TLL1: variants seen among roughly 807,000 people sequenced by gnomAD.
The protein encoded by TLL1 is tolloid like 1.
TLL1 carries 49 observed loss-of-function variants against 128.2 expected under a neutral mutation model. The ratio of observed to expected loss-of-function variants is 0.38; its 90% confidence interval spans 0.30 to 0.48. TLL1 has a LOEUF of 0.48. Among genes scored for constraint, TLL1 ranks in the 20% least tolerant of loss-of-function variants. The probability of loss-of-function intolerance (pLI) is 0.96; values close to 1 mark genes in which losing one functional copy is unlikely to be tolerated. For missense variants in TLL1, 1,123 were observed against 1,242.0 expected, an observed-to-expected ratio of 0.90 and a Z score of 1.44; for synonymous variants, 454 against 418.8, an observed-to-expected ratio of 1.08 and a Z score of -1.03.
intron 16 of TLL1, among the ~76,000 whole-genome samples, chr4:166,068,585 T>C (rs1282149982): frequency 6.6e-6 from 1 of 151,870 alleles, no homozygotes; most frequent in Non-Finnish European, 1.5e-5. Context: ...TTGTCACAAA[T>C]TCTATAGAAA....
At chr4:166,030,807 T>A in intron 9 of TLL1, 1 of 1,049,068 alleles carries the variant, frequency 9.5e-7, no homozygotes, top group Admixed American at 5.5e-5. Flanking sequence ...GTCCTGCCTA[T>A]AGCTTACATT....
chr4:165,900,905 T>C (rs550707790), intron 1 of TLL1, among the ~76,000 whole-genome samples: 2 of 152,242 alleles, frequency 1.3e-5, no homozygotes, highest in Non-Finnish European at 2.9e-5. Context: ...TTTCACATGG[T>C]CCCATATTTC....
At chr4:165,914,156 A>G (rs1488929037) in intron 1 of TLL1, among the ~76,000 whole-genome samples, 1 of 152,162 alleles carries the variant, frequency 6.6e-6, no homozygotes, top group Non-Finnish European at 1.5e-5. Context: ...TTTCACAATC[A>G]TTACCTTCAT....
chr4:165,935,668 C>T (rs569887124), intron 1 of TLL1, among the ~76,000 whole-genome samples: 2 of 152,120 alleles, frequency 1.3e-5, no homozygotes, highest in Non-Finnish European at 2.9e-5. Context: ...ATAATAACCA[C>T]TTTTCTTTAT....
At position 165,943,708 on chromosome 4, in the gene TLL1, A is replaced by G. The variant is rs72972232; in HGVS notation, c.170-45673A>G. Among the ~76,000 whole-genome samples the G allele has an allele frequency of 6.5e-3, 986 of 152,184 alleles. 9 individuals are homozygous for G. Among genetic ancestry groups the G allele is most frequent in the African/African-American group, 0.023 (946 of 41,532 alleles). On this transcript the variant is annotated intron_variant, in intron 1 of 20. Coordinates refer to ENST00000061240, the MANE Select transcript of TLL1 (RefSeq NM_012464.5). The stretch of plus-strand genomic sequence containing the variant: ...ATTACTGACCTCATCACTTAAAGCC[A>G]TGAAAAAAAATGCATCTACTATATA...
intron 1 of TLL1, among the ~76,000 whole-genome samples, chr4:165,983,598 A>G (rs1288924940): frequency 6.6e-6 from 1 of 151,814 alleles, no homozygotes; most frequent in Non-Finnish European, 1.5e-5. Context: ...TACACTTCAG[A>G]TTCACATCTG....
At chr4:165,890,771 A>C (rs1201797863) in intron 1 of TLL1, among the ~76,000 whole-genome samples, 1 of 152,186 alleles carries the variant, frequency 6.6e-6, no homozygotes, top group Non-Finnish European at 1.5e-5. Context: ...GAAAGCTGTC[A>C]GTGGATTTAC....
At chr4:166,094,073 T>A (rs927632256) in intron 19 of TLL1, among the ~76,000 whole-genome samples, 1 of 152,166 alleles carries the variant, frequency 6.6e-6, no homozygotes, top group African/African-American at 2.4e-5. Flanking sequence ...TGATCTCTCT[T>A]TCTTTTCCCT....
intron 1 of TLL1, among the ~76,000 whole-genome samples, chr4:165,902,382 GT>G (rs1486451806): frequency 2.6e-5 from 4 of 152,194 alleles, no homozygotes; most frequent in Non-Finnish European, 4.4e-5. Flanking sequence ...GCCCAGTTTT[GT>G]GCTTGAAACC....
rs182097404 is a variant in TLL1, at chr4:166,020,183, T to C, written c.1043-5133T>C. On this transcript the variant is annotated intron_variant, in intron 8 of 20. Transcript: ENST00000061240. ...GAAAGGAATGTAGAGCTGCTCGACA[T>C]TGGGGTTGAATAGGTTTCTGGACAC... Among the ~76,000 whole-genome samples, 337 of 152,126 alleles carry C rather than the reference T, an allele frequency of 2.2e-3. 4 individuals are homozygous for C. The highest frequency in any genetic ancestry group is 7.6e-3 in the African/African-American group (313 of 41,420).
At chr4:165,941,138 A>G (rs59929389) in intron 1 of TLL1, among the ~76,000 whole-genome samples, 5,435 of 152,014 alleles carry the variant, frequency 0.036, 292 homozygotes, top group African/African-American at 0.12. Flanking sequence ...CCTTCTTGGT[A>G]TGTAAGTTTG....
chr4:166,056,050 AAAG>A (rs1473703785), intron 13 of TLL1, among the ~76,000 whole-genome samples: 4 of 152,122 alleles, frequency 2.6e-5, no homozygotes, highest in Non-Finnish European at 5.9e-5. Context: ...GTCATAATTT[AAAG>A]AAGATCAGTG....
chr4:166,060,925 C>T (rs1310947850), intron 15 of TLL1, among the ~76,000 whole-genome samples: 1 of 152,142 alleles, frequency 6.6e-6, no homozygotes, highest in South Asian at 2.1e-4. Context: ...TGTTTTGTTT[C>T]GTCTTCTGTA....
chr4:165,932,528 AGTAACTGTGC>A (rs1733575987), intron 1 of TLL1, among the ~76,000 whole-genome samples: 1 of 151,108 alleles, frequency 6.6e-6, no homozygotes, highest in South Asian at 2.1e-4. Flanking sequence ...CAGCATCTGC[AGTAACTGTGC>A]GTAACTGAGG....
At chr4:165,904,319 T>A (rs532527118) in intron 1 of TLL1, among the ~76,000 whole-genome samples, 1 of 152,342 alleles carries the variant, frequency 6.6e-6, no homozygotes, top group South Asian at 2.1e-4. Context: ...TTCCTACCTG[T>A]GTTCAGGTCT....
intron 1 of TLL1, among the ~76,000 whole-genome samples, chr4:165,957,837 T>C (rs1734884491): frequency 6.7e-6 from 1 of 148,628 alleles, no homozygotes; most frequent in African/African-American, 2.5e-5. Context: ...GCATTAGGTA[T>C]ATCTCCTAAT....
chr4:165,944,142 G>A (rs1307328431), intron 1 of TLL1, among the ~76,000 whole-genome samples: 1 of 152,126 alleles, frequency 6.6e-6, no homozygotes, highest in East Asian at 1.9e-4. Flanking sequence ...TTTTTAAAAT[G>A]TACTGTATTA....
At chr4:165,918,657 T>C (rs1233660442) in intron 1 of TLL1, among the ~76,000 whole-genome samples, 1 of 152,168 alleles carries the variant, frequency 6.6e-6, no homozygotes, top group Non-Finnish European at 1.5e-5. Context: ...AGAATTGAAA[T>C]AGCATCTTGG....
At chr4:166,032,789 A>G (rs1182870612) in intron 9 of TLL1, among the ~76,000 whole-genome samples, 2 of 152,120 alleles carry the variant, frequency 1.3e-5, no homozygotes, top group East Asian at 3.8e-4. Flanking sequence ...TTGTTTTTAT[A>G]AAAATACAAA....
Sources: allele counts gnomAD v4.1 joint callset (sites outside exome capture counted in the v4.1 genomes callset), GRCh38; gene constraint gnomAD v4.1.1; transcripts MANE v1.5; gene names NCBI Gene and HGNC (gene_info 2026-07-23, HGNC 2026-07-21).